Variants in MYZAP observed in about 807,000 individuals in gnomAD.
MYZAP encodes the protein GRINL1A complex locus upstream.
MYZAP carries 66 observed loss-of-function variants against 69.4 expected under a neutral mutation model. The ratio of observed to expected loss-of-function variants is 0.95; its 90% CI spans 0.78 to 1.17. MYZAP has a LOEUF of 1.17. Ranked by LOEUF, MYZAP falls within the 50% of genes most tolerant of loss-of-function variation. The pLI, the probability that MYZAP is intolerant of heterozygous loss-of-function variation, is 0.00. For synonymous variants in MYZAP, 256 were observed against 205.9 expected (o/e 1.24, Z -2.09); for missense variants, 611 against 556.2 (o/e 1.10, Z -0.99).
At chr15:57,681,753 C>G (rs1405475979) in intron 12 of MYZAP, among the ~76,000 whole-genome samples, 6 of 151,934 alleles carry the variant, frequency 3.9e-5, no homozygotes, top group African/African-American at 1.5e-4. Flanking sequence ...CCACTGCACT[C>G]CAGCCTGGGC....
At chr15:57,616,609 C>T (rs2035465785) in intron 2 of MYZAP, among the ~76,000 whole-genome samples, 1 of 151,958 alleles carries the variant, frequency 6.6e-6, no homozygotes, top group South Asian at 2.1e-4. Flanking sequence ...GCTCTCCAAC[C>T]TGGCGAGAGA....
At chr15:57,624,293 A>G (rs2035994366) in intron 4 of MYZAP, among the ~76,000 whole-genome samples, 1 of 152,238 alleles carries the variant, frequency 6.6e-6, no homozygotes, top group African/African-American at 2.4e-5. Flanking sequence ...ACAGTCATGC[A>G]TCAGAGTTCA....
intron 4 of MYZAP, among the ~76,000 whole-genome samples, chr15:57,622,999 G>C (rs1354297915): frequency 6.6e-6 from 1 of 152,154 alleles, no homozygotes; most frequent in Non-Finnish European, 1.5e-5. Flanking sequence ...GAAGAAAAAA[G>C]CTACAACTCA....
At chr15:57,624,450 G>A (rs2036003810) in intron 4 of MYZAP, among the ~76,000 whole-genome samples, 1 of 152,146 alleles carries the variant, frequency 6.6e-6, no homozygotes, top group Non-Finnish European at 1.5e-5. Flanking sequence ...CCCCTTCCTT[G>A]ATTATAGGAA....
chr15:57,619,143 T>C (rs2035656529), intron 3 of MYZAP, among the ~76,000 whole-genome samples: 1 of 152,076 alleles, frequency 6.6e-6, no homozygotes, highest in South Asian at 2.1e-4. Context: ...ATTTTGTGGG[T>C]TTTCAGATAA....
intron 1 of MYZAP, among the ~76,000 whole-genome samples, chr15:57,602,917 G>A (rs1305880027): frequency 2.6e-5 from 4 of 152,084 alleles, no homozygotes; most frequent in African/African-American, 4.8e-5. Flanking sequence ...TTGTCCCCTC[G>A]TACTACAGAT....
At chr15:57,617,434 TA>T (rs1229902576) in intron 2 of MYZAP, among the ~76,000 whole-genome samples, 2 of 152,160 alleles carry the variant, frequency 1.3e-5, no homozygotes, top group Non-Finnish European at 2.9e-5. Flanking sequence ...CTGAAGGAAT[TA>T]AGAACCAGCC....
At chr15:57,665,563 C>T (rs1350800155) in intron 11 of MYZAP, among the ~76,000 whole-genome samples, 1 of 152,234 alleles carries the variant, frequency 6.6e-6, no homozygotes, top group African/African-American at 2.4e-5. Flanking sequence ...TACACATGTC[C>T]TCAGTTAGTC....
chr15:57,616,014 C>T (rs1908207), intron 2 of MYZAP, among the ~76,000 whole-genome samples: 68,241 of 152,082 alleles, frequency 0.45, 15,682 homozygotes, highest in East Asian at 0.56. Flanking sequence ...GCAAAAGTCA[C>T]CCTGATCTCT....
chr15:57,682,628 C>T (rs975613240), intron 12 of MYZAP, among the ~76,000 whole-genome samples: 4 of 152,162 alleles, frequency 2.6e-5, no homozygotes, highest in Non-Finnish European at 4.4e-5. Flanking sequence ...TCATGGCCCT[C>T]CTTAAAAACC....
At chr15:57,642,791 AG>A (rs1443956946) in intron 10 of MYZAP, among the ~76,000 whole-genome samples, 1 of 135,180 alleles carries the variant, frequency 7.4e-6, no homozygotes, top group African/African-American at 2.9e-5. Flanking sequence ...AATAATAAAA[AG>A]TAACTGGCCC....
At chr15:57,671,980 T>C (rs1217038395) in intron 11 of MYZAP, among the ~76,000 whole-genome samples, 1 of 152,218 alleles carries the variant, frequency 6.6e-6, no homozygotes, top group East Asian at 1.9e-4. Flanking sequence ...TGTTGGGTTC[T>C]TGTTTTAAAA....
At chr15:57,640,930 G>A (rs2042112718) in intron 10 of MYZAP, among the ~76,000 whole-genome samples, 1 of 152,222 alleles carries the variant, frequency 6.6e-6, no homozygotes. Context: ...TCAACACTAG[G>A]TAGATGTCAG....
At chr15:57,676,403 T>C (rs1480050652) in intron 12 of MYZAP, among the ~76,000 whole-genome samples, 20 of 12,444 alleles carry the variant, frequency 1.6e-3, no homozygotes, top group African/African-American at 2.2e-3. Context: ...GTTGAATATA[T>C]ATATATGTAT....
chr15:57,636,920 G>A (rs2036852020), intron 8 of MYZAP, among the ~76,000 whole-genome samples: 2 of 152,166 alleles, frequency 1.3e-5, no homozygotes, highest in Non-Finnish European at 2.9e-5. Context: ...TAAAATCCAG[G>A]TGTTGGCAGA....
intron 10 of MYZAP, among the ~76,000 whole-genome samples, chr15:57,654,043 AGAGG>A (rs1189405285): frequency 0.031 from 32 of 1,020 alleles, no homozygotes; most frequent in Middle Eastern, 0.5. Context: ...GTCCCTATTT[AGAGG>A]TTAGAGGTTA....
At chr15:57,592,140 C>A in intron 1 of MYZAP, 31 bp downstream of exon 1, 1 of 1,286,416 alleles carries the variant, frequency 7.8e-7, no homozygotes, top group Non-Finnish European at 9.8e-7. Context: ...CCGCCGCCGT[C>A]CCGTTCCCCC....
chr15:57,639,238 G>C (rs551146656), intron 9 of MYZAP, among the ~76,000 whole-genome samples: 10 of 150,980 alleles, frequency 6.6e-5, no homozygotes, highest in Admixed American at 5.3e-4. Flanking sequence ...TGGAGATGAG[G>C]GTCTCAGCAT....
intron 3 of MYZAP, among the ~76,000 whole-genome samples, chr15:57,619,578 C>A (rs2035685285): frequency 6.6e-6 from 1 of 152,198 alleles, no homozygotes; most frequent in African/African-American, 2.4e-5. Flanking sequence ...TCTCAAACTC[C>A]TGGACTTAAG....
Sources: allele counts gnomAD v4.1 joint callset (sites outside exome capture counted in the v4.1 genomes callset), GRCh38; gene constraint gnomAD v4.1.1; transcripts MANE v1.5; gene names NCBI Gene and HGNC (gene_info 2026-07-23, HGNC 2026-07-21).